Variants in OXCT1 observed in about 807,000 individuals in gnomAD.
OXCT1 encodes the protein succinyl-CoA:3-ketoacid coenzyme A transferase 1, mitochondrial.
Under a neutral mutation model 69.6 loss-of-function variants are expected in OXCT1, and 27 were observed. The ratio of observed to expected loss-of-function variants is 0.39; its 90% confidence interval spans 0.29 to 0.54. The LOEUF (loss-of-function observed/expected upper bound fraction) is 0.54, where lower values mean the gene tolerates loss of function less well. OXCT1 is among the 20% of genes least tolerant of loss of function. The pLI, the probability that OXCT1 is intolerant of heterozygous loss-of-function variation, is 0.72. For synonymous variants in OXCT1, 202 were observed against 217.8 expected (o/e 0.93, Z 0.64); for missense variants, 437 against 650.2 (o/e 0.67, Z 3.57).
chr5:41,765,712 G>T (rs150430395), intron 13 of OXCT1, among the ~76,000 whole-genome samples: 1 of 152,258 alleles, frequency 6.6e-6, no homozygotes, highest in Non-Finnish European at 1.5e-5. Flanking sequence ...TTTCTATCCA[G>T]ATGTCCAACA....
intron 13 of OXCT1, among the ~76,000 whole-genome samples, chr5:41,784,618 C>T (rs938888432): frequency 6.6e-6 from 1 of 152,216 alleles, no homozygotes; most frequent in Non-Finnish European, 1.5e-5. Context: ...TGTAATTCCA[C>T]TTCTCTTTTC....
intron 7 of OXCT1, among the ~76,000 whole-genome samples, chr5:41,836,224 G>A (rs147304739): frequency 2.6e-5 from 4 of 152,258 alleles, no homozygotes; most frequent in Non-Finnish European, 5.9e-5. Flanking sequence ...CAAAGAGAGG[G>A]AGGTCCAGAA....
chr5:41,802,268 A>G (rs781731450), intron 10 of OXCT1, among the ~76,000 whole-genome samples: 36 of 152,136 alleles, frequency 2.4e-4, no homozygotes, highest in Non-Finnish European at 4.3e-4. Context: ...TTGTGAATAC[A>G]TTTTCCATAT....
chr5:41,837,974 T>C (rs1162882611), intron 7 of OXCT1, among the ~76,000 whole-genome samples: 1 of 152,236 alleles, frequency 6.6e-6, no homozygotes, highest in South Asian at 2.1e-4. Context: ...TAATACATCA[T>C]AAATGCCTGA....
At chr5:41,863,503 T>A (rs530934682) in intron 1 of OXCT1, among the ~76,000 whole-genome samples, 1 of 152,212 alleles carries the variant, frequency 6.6e-6, no homozygotes, top group Non-Finnish European at 1.5e-5. Context: ...CTGTCTGTGA[T>A]ACTATCCCCC....
At chr5:41,788,953 A>T (rs1745781923) in intron 13 of OXCT1, among the ~76,000 whole-genome samples, 2 of 152,218 alleles carry the variant, frequency 1.3e-5, no homozygotes, top group African/African-American at 4.8e-5. Flanking sequence ...AAACTGAAAA[A>T]TTTTTAAAAA....
At chr5:41,782,387 G>T (rs1745450220) in intron 13 of OXCT1, among the ~76,000 whole-genome samples, 1 of 151,842 alleles carries the variant, frequency 6.6e-6, no homozygotes, top group African/African-American at 2.4e-5. Flanking sequence ...GCAAATTTTT[G>T]TATTTTTGTA....
intron 13 of OXCT1, among the ~76,000 whole-genome samples, chr5:41,789,592 A>T (rs1008034466): frequency 7.9e-5 from 12 of 152,342 alleles, no homozygotes; most frequent in African/African-American, 2.9e-4. Context: ...TTTAAGCTCA[A>T]GTCTGTCTAA....
At chr5:41,833,276 A>G (rs1026824838) in intron 7 of OXCT1, among the ~76,000 whole-genome samples, 1 of 152,224 alleles carries the variant, frequency 6.6e-6, no homozygotes, top group Non-Finnish European at 1.5e-5. Flanking sequence ...AAAAGAAACA[A>G]CAGACAACAG....
intron 7 of OXCT1, among the ~76,000 whole-genome samples, chr5:41,837,915 G>T (rs1300971193): frequency 1.3e-5 from 2 of 152,096 alleles, no homozygotes; most frequent in Non-Finnish European, 2.9e-5. Context: ...TATCTCATAG[G>T]ACTATTGTGA....
chr5:41,835,479 T>C (rs1377373270), intron 7 of OXCT1, among the ~76,000 whole-genome samples: 1 of 152,236 alleles, frequency 6.6e-6, no homozygotes, highest in Non-Finnish European at 1.5e-5. Flanking sequence ...CATTAACCTC[T>C]AATTCTTATA....
chr5:41,775,817 C>T (rs1482074010), intron 13 of OXCT1, among the ~76,000 whole-genome samples: 1 of 152,060 alleles, frequency 6.6e-6, no homozygotes, highest in East Asian at 1.9e-4. Flanking sequence ...GGCCCTATCG[C>T]TCAGGAAATT....
intron 7 of OXCT1, among the ~76,000 whole-genome samples, chr5:41,822,854 T>A (rs1382879289): frequency 6.6e-6 from 1 of 152,220 alleles, no homozygotes; most frequent in Non-Finnish European, 1.5e-5. Context: ...TAAAGTGGAT[T>A]TCTTATAGAC....
chr5:41,829,504 A>G (rs528012062), intron 7 of OXCT1, among the ~76,000 whole-genome samples: 1 of 152,288 alleles, frequency 6.6e-6, no homozygotes, highest in East Asian at 1.9e-4. Flanking sequence ...TTACCTCACA[A>G]TGCAATGAAG....
chr5:41,819,739 CTG>C (rs1344315901), intron 7 of OXCT1, among the ~76,000 whole-genome samples: 2 of 151,478 alleles, frequency 1.3e-5, no homozygotes, highest in Non-Finnish European at 2.9e-5. Flanking sequence ...GAAATCATGA[CTG>C]TAAGTTTTAG....
rs1750231671 is a variant in OXCT1 at position 41,870,311 on chromosome 5, A to T, written c.48T>A (p.Ser16=). 1 of 1,613,986 alleles carries T rather than the reference A, an allele frequency of 6.2e-7. No homozygotes were observed. The highest frequency in any genetic ancestry group is 8.5e-7 in the Non-Finnish European group (1 of 1,179,894). The stretch of plus-strand genomic sequence containing the variant: ...ACCAGGTTGCCCCAGATCCGCGGGC[A>T]GAGGCGCAGAGCCGAAGCCCGGAGG... ...LLSSGLRLCA[S]ARGSGATWYK... The change falls in exon 1 of 17, where the codon TCT becomes TCA. Residue 16 remains serine (S), a synonymous_variant. Coordinates refer to ENST00000196371, the MANE Select transcript of OXCT1 (RefSeq NM_000436.4). This position sits in a 1 kb window ranked among gnomAD's most constrained non-coding sequence, Gnocchi z 4.2.
intron 7 of OXCT1, among the ~76,000 whole-genome samples, chr5:41,830,296 T>C (rs1219326204): frequency 1.3e-5 from 2 of 152,208 alleles, no homozygotes; most frequent in Admixed American, 1.3e-4. Context: ...CAGAAAGGGT[T>C]GGTGGAAGGA....
chr5:41,743,892 A>G (rs1319466796), intron 15 of OXCT1, among the ~76,000 whole-genome samples: 2 of 152,116 alleles, frequency 1.3e-5, no homozygotes, highest in African/African-American at 4.8e-5. Context: ...GCCTTGTAGT[A>G]TAGTTTGAAG....
intron 13 of OXCT1, among the ~76,000 whole-genome samples, chr5:41,788,473 T>A (rs1392943410): frequency 6.6e-6 from 1 of 151,948 alleles, no homozygotes; most frequent in Non-Finnish European, 1.5e-5. Flanking sequence ...AAAATAAAGG[T>A]GTTCATAGGT....
Sources: allele counts gnomAD v4.1 joint callset (sites outside exome capture counted in the v4.1 genomes callset), GRCh38; gene constraint gnomAD v4.1.1; non-coding constraint Gnocchi (gnomAD v3.1); transcripts MANE v1.5; gene names NCBI Gene and HGNC (gene_info 2026-07-23, HGNC 2026-07-21).